DNAH14: variants seen among roughly 807,000 people sequenced by gnomAD.
DNAH14 encodes dynein axonemal heavy chain 14.
DNAH14 carries 478 observed loss-of-function variants against 520.9 expected under a neutral mutation model. That is an observed-to-expected ratio of 0.92 (90% CI 0.85 to 0.99). DNAH14 has a LOEUF of 0.99. Ranked by LOEUF, DNAH14 falls within the 50% of genes least tolerant of loss-of-function variation. The probability of loss-of-function intolerance (pLI) is 0.00; values close to 1 mark genes in which losing one functional copy is unlikely to be tolerated. For synonymous variants in DNAH14, 1,581 were observed against 1,757.2 expected, an observed-to-expected ratio of 0.90 and a Z score of 2.51; for missense variants, 4,831 against 5,234.5, an observed-to-expected ratio of 0.92 and a Z score of 2.38.
In DNAH14 at chr1:225,346,398, G is replaced by A; in HGVS notation, c.11097+18G>A. 2 of 1,526,960 alleles carry A rather than the reference G, an allele frequency of 1.3e-6. No individual in the cohort carries two copies. Among genetic ancestry groups the A allele is most frequent in the South Asian group, 1.3e-5 (1 of 79,700 alleles). The allele number at this position is 1,526,960 out of a possible 1,614,324, so 94.6% of individuals were successfully genotyped here. A position where few individuals can be genotyped will look rare whatever the true frequency, so the allele number is the denominator to read the frequency against. On this transcript the variant is annotated intron_variant, in intron 70 of 85. Transcript: ENST00000682510. ...TTTTTAAGGTGAGATATTCTTTAGT[G>A]TGAATTTTACATGCTTATTTAATCT...
rs185844596 is a variant in DNAH14 at position 224,943,339 on chromosome 1, T to C, written c.-33-9331T>C. ...TGTATTTCTGTGGGATCGGTGGTGA[T>C]ATTCCCTTTCTCGTTTTTTATTGTG... On this transcript the variant is annotated intron_variant, in intron 1 of 85. Transcript: ENST00000682510. Among the ~76,000 whole-genome samples the C allele has an allele frequency of 5.9e-5, 9 of 152,294 alleles. 1 individual carries two copies. Among genetic ancestry groups the C allele is most frequent in the Admixed American group, 5.2e-4 (8 of 15,290 alleles).
chr1:225,345,982 A>C lies in DNAH14; in HGVS notation c.10699A>C (p.Lys3567Gln). The C allele has an allele frequency of 1.9e-6, 3 of 1,549,646 alleles. No individual in the cohort carries two copies. Among genetic ancestry groups the C allele is most frequent in the Middle Eastern group, 1.7e-4 (1 of 5,988 alleles). The change falls in exon 70 of 86, where the codon AAA (lysine) becomes CAA (glutamine). Residue 3567 changes from lysine to glutamine, a missense_variant. Transcript: ENST00000682510. ...TTTAGGATCCATATTAGATGATGAC[A>C]AAATTGTAGATACCTTAAGAAAATC... ...KALGSILDDD[K>Q]IVDTLRKSKM...
Position 224,929,733 on chromosome 1 carries a change from G to C in DNAH14, c.-136G>C. The C allele has an allele frequency of 1.4e-6, 1 of 702,398 alleles. No individual in the cohort carries two copies. Among genetic ancestry groups the C allele is most frequent in the Non-Finnish European group, 2.6e-6 (1 of 384,836 alleles). The allele number at this position is 702,398 out of a possible 1,614,324, so 43.5% of individuals were successfully genotyped here. ...TGGCGTGGTAGGGCTGTGCTGCGCG[G>C]TCCTTCCCATTCACCCTAGTCTGGC... On this transcript the variant is annotated 5_prime_UTR_variant, in exon 1 of 86. Coordinates refer to ENST00000682510, the MANE Select transcript of DNAH14 (RefSeq NM_001367479.1).
chr1:225,236,251 CCTT>C (rs1431023309), intron 42 of DNAH14, among the ~76,000 whole-genome samples: 2 of 152,046 alleles, frequency 1.3e-5, no homozygotes, highest in Non-Finnish European at 2.9e-5. Context: ...GTTTCAAAGA[CCTT>C]CTTGATTTCT....
In DNAH14 at chr1:225,159,490, A is replaced by G; in HGVS notation, c.5445+5A>G. 1.3e-6 allele frequency: 2 copies of G among 1,508,014 alleles called. No homozygotes were observed. Among genetic ancestry groups the G allele is most frequent in the Non-Finnish European group, 1.8e-6 (2 of 1,129,590 alleles). The allele number at this position is 1,508,014 out of a possible 1,614,324, so 93.4% of individuals were successfully genotyped here. A position where few individuals can be genotyped will look rare whatever the true frequency, so the allele number is the denominator to read the frequency against. ...GTAAATCAACTTGCCTTGGAGGTAA[A>G]AAGACCTTTGAAAATCATCACCAAT... On this transcript the variant is annotated splice_donor_5th_base_variant and intron_variant, in intron 35 of 85. Coordinates refer to ENST00000682510, the MANE Select transcript of DNAH14 (RefSeq NM_001367479.1).
intron 76 of DNAH14, among the ~76,000 whole-genome samples, chr1:225,367,120 G>T (rs1249813351): frequency 2.7e-5 from 4 of 150,718 alleles, no homozygotes; most frequent in Admixed American, 6.7e-5. Flanking sequence ...ATGTAAGTGT[G>T]TGTGTTTATA....
chr1:225,041,783 C>G (rs1448886953), intron 12 of DNAH14, among the ~76,000 whole-genome samples: 2 of 152,006 alleles, frequency 1.3e-5, no homozygotes, highest in Non-Finnish European at 2.9e-5. Flanking sequence ...AGCTTGAGGT[C>G]CAGTATTCCC....
At chr1:225,074,454 G>T (rs2071991744) in intron 17 of DNAH14, among the ~76,000 whole-genome samples, 2 of 152,230 alleles carry the variant, frequency 1.3e-5, no homozygotes, top group African/African-American at 4.8e-5. Context: ...GCTGTGCTGT[G>T]CTGTGCTTCT....
chr1:225,253,093 A>G (rs77851868), intron 44 of DNAH14, among the ~76,000 whole-genome samples: 7,472 of 152,288 alleles, frequency 0.049, 290 homozygotes, highest in Non-Finnish European at 0.073. Flanking sequence ...AACCAGAGCT[A>G]TCAGAATGCT....
At chr1:224,996,461 A>G (rs751139567) in intron 8 of DNAH14, among the ~76,000 whole-genome samples, 15 of 152,174 alleles carry the variant, frequency 9.9e-5, no homozygotes, top group Non-Finnish European at 2.1e-4. Context: ...GTGCTTGGTC[A>G]TAGATTTTCT....
At chr1:224,995,334 G>GT (rs979709211) in intron 8 of DNAH14, among the ~76,000 whole-genome samples, 10 of 150,954 alleles carry the variant, frequency 6.6e-5, no homozygotes, top group East Asian at 1.9e-4. Context: ...TGCAGGGGTT[G>GT]TTTTTTTTTC....
chr1:225,275,876 C>T (rs1455708864), intron 52 of DNAH14, 38 bp from the exon 53 acceptor site: 1 of 268,962 alleles, frequency 3.7e-6, no homozygotes, highest in Non-Finnish European at 7.9e-6. Context: ...TAGAATTGTG[C>T]TATTAATGGA....
At chr1:225,027,058 A>G (rs202128274) in intron 11 of DNAH14, among the ~76,000 whole-genome samples, 1 of 151,972 alleles carries the variant, frequency 6.6e-6, no homozygotes, top group Non-Finnish European at 1.5e-5. Context: ...TCGGTTGTTC[A>G]TTGCCAGCAT....
At chr1:224,954,660 T>G (rs1374263321) in intron 2 of DNAH14, 2 of 180,278 alleles carry the variant, frequency 1.1e-5, no homozygotes, top group Non-Finnish European at 2.3e-5. Flanking sequence ...TTTATATTTA[T>G]TTTTTAGTGG....
chr1:225,325,717 A>G (rs1485400473), intron 64 of DNAH14, among the ~76,000 whole-genome samples: 1 of 152,204 alleles, frequency 6.6e-6, no homozygotes, highest in East Asian at 1.9e-4. Flanking sequence ...AATTCAGTCC[A>G]TTGATATCTT....
intron 49 of DNAH14, among the ~76,000 whole-genome samples, chr1:225,268,999 A>C (rs2093221284): frequency 6.6e-6 from 1 of 152,158 alleles, no homozygotes. Flanking sequence ...ATATGGAACC[A>C]AAAAAGAGCC....
In DNAH14 at chr1:225,096,139, G is replaced by T. The variant is rs2148693118; in HGVS notation, c.3574-979G>T. ...CGCCACCATGCCTGACTAATTTGTT[G>T]TTGTTGTTGTTGTTGTGTTTTTAGT... is the stretch of plus-strand genomic sequence containing the variant. On this transcript the variant is annotated intron_variant, in intron 21 of 85. Transcript: ENST00000682510. Among the ~76,000 whole-genome samples, 3 of 151,848 alleles carry T rather than the reference G, an allele frequency of 2.0e-5. No homozygotes were observed. The Middle Eastern group carries it at 0.01, about 516-fold the overall frequency.
intron 29 of DNAH14, among the ~76,000 whole-genome samples, chr1:225,145,083 T>C (rs1436606015): frequency 6.6e-6 from 1 of 152,200 alleles, no homozygotes; most frequent in Non-Finnish European, 1.5e-5. Context: ...TAGTTTTTTA[T>C]TCATAGATTT....
chr1:225,265,684 C>T (rs997545001), intron 48 of DNAH14, among the ~76,000 whole-genome samples: 1 of 152,098 alleles, frequency 6.6e-6, no homozygotes, highest in Non-Finnish European at 1.5e-5. Context: ...CTTCCTGTGA[C>T]CATGGCTTGG....
Sources: gnomAD v4.1 joint callset for allele counts (sites outside exome capture counted in the v4.1 genomes callset) on GRCh38, gnomAD v4.1.1 for gene constraint, MANE v1.5 for transcripts, NCBI Gene and HGNC (gene_info 2026-07-23, HGNC 2026-07-21) for gene names.